Variants in ASXL3 observed in about 807,000 individuals in gnomAD.
ASXL3 encodes ASXL transcriptional regulator 3.
In ASXL3, 34 loss-of-function variants were observed where a neutral mutation model predicts 170.6. That is an observed-to-expected ratio of 0.20 (90% CI 0.15 to 0.27). The LOEUF (loss-of-function observed/expected upper bound fraction) is 0.27. ASXL3 is among the 10% of genes least tolerant of loss of function. The probability of loss-of-function intolerance (pLI) is 1.00; values close to 1 mark genes in which losing one functional copy is unlikely to be tolerated. For synonymous variants in ASXL3, 1,002 were observed against 989.1 expected (o/e 1.01, Z -0.24); for missense variants, 2,592 against 2,695.3 (o/e 0.96, Z 0.85).
rs769336687 is a variant in ASXL3 at position 33,745,183 on chromosome 18, C to T, written c.5335C>T (p.Pro1779Ser). The T allele has an allele frequency of 6.2e-7, 1 of 1,614,024 alleles. No homozygotes were observed. The highest frequency in any genetic ancestry group is 8.5e-7 in the Non-Finnish European group (1 of 1,179,892). ...AGCCAAGCTTGAAATCAACAGGCTTCCATTGCCTCTTCAAACTACCTCAGT... is the reference window on the plus strand; with the variant it reads ...AGCCAAGCTTGAAATCAACAGGCTTTCATTGCCTCTTCAAACTACCTCAGT... ...LGAKLEINRLPLPLQTTSVGK... is the reference protein window; with the variant it reads ...LGAKLEINRLSLPLQTTSVGK... Residue 1779 changes from proline (P) to serine (S), a missense_variant, in exon 12 of 12, where the codon CCA (proline) becomes TCA (serine). Transcript: ENST00000269197.
Position 33,743,232 on chromosome 18 carries a change from G to C in ASXL3, c.3384G>C (p.Arg1128=), listed in dbSNP as rs193209721. The C allele has an allele frequency of 3.7e-6, 6 of 1,613,912 alleles. No homozygotes were observed. The highest frequency in any genetic ancestry group is 5.1e-6 in the Non-Finnish European group (6 of 1,179,840). Residue 1128 remains arginine, a synonymous_variant, in exon 12 of 12, where the codon CGG becomes CGC. Transcript: ENST00000269197. ...AHLFQTSKET[R]LPPPLSSKEG... ...TCTTCCAGACCTCTAAAGAGACCCG[G>C]TTGCCTCCTCCGCTCAGCTCAAAGG... is the stretch of plus-strand genomic sequence containing the variant.
chr18:33,699,970 A>G (rs2066842720), intron 8 of ASXL3, among the ~76,000 whole-genome samples: 1 of 152,066 alleles, frequency 6.6e-6, no homozygotes, highest in Non-Finnish European at 1.5e-5. Flanking sequence ...ATACTTTTTG[A>G]GAACCATTTC....
chr18:33,589,422 C>T (rs991831318), intron 1 of ASXL3, among the ~76,000 whole-genome samples: 4 of 152,044 alleles, frequency 2.6e-5, no homozygotes, highest in African/African-American at 9.7e-5. Context: ...TTTATAATCA[C>T]TTATTTAAAA....
chr18:33,666,370 C>T (rs2066256085), intron 5 of ASXL3, among the ~76,000 whole-genome samples: 1 of 152,068 alleles, frequency 6.6e-6, no homozygotes, highest in African/African-American at 2.4e-5. Context: ...CCAACAGGGC[C>T]ACCACTAGCT....
chr18:33,706,572 A>G (rs1258732057), intron 8 of ASXL3, among the ~76,000 whole-genome samples: 3 of 151,852 alleles, frequency 2.0e-5, no homozygotes, highest in Non-Finnish European at 1.5e-5. Context: ...GTTTGCATTT[A>G]TCTGATGACT....
intron 2 of ASXL3, among the ~76,000 whole-genome samples, chr18:33,633,006 C>T (rs1447636861): frequency 2.0e-5 from 3 of 152,192 alleles, no homozygotes; most frequent in African/African-American, 4.8e-5. Context: ...TTCTACTCCT[C>T]GCTCTGGAAT....
rs2067840775 is a variant in ASXL3, at chr18:33,748,918, C to G, written c.*2323C>G. 6.6e-6 allele frequency: 1 copy of G among 152,152 alleles called. No homozygotes were observed. The highest frequency in any genetic ancestry group is 1.5e-5 in the Non-Finnish European group (1 of 68,030). 9.4% of individuals were successfully genotyped at this position (152,152 alleles called of 1,614,324 possible). On this transcript the variant is annotated 3_prime_UTR_variant, in exon 12 of 12. Coordinates refer to ENST00000269197, the MANE Select transcript of ASXL3 (RefSeq NM_030632.3). ...TGAGATACTGAGCTCATTATCAGTT[C>G]CTTCATTGTTGAATACTGCCTGCAA...
chr18:33,633,198 T>A (rs2065706490), intron 2 of ASXL3, among the ~76,000 whole-genome samples: 1 of 152,164 alleles, frequency 6.6e-6, no homozygotes, highest in African/African-American at 2.4e-5. Context: ...GCTATTAAAA[T>A]TTACAAAGCA....
chr18:33,640,658 C>G (rs2065832261), intron 2 of ASXL3, among the ~76,000 whole-genome samples: 1 of 152,078 alleles, frequency 6.6e-6, no homozygotes, highest in Admixed American at 6.6e-5. Flanking sequence ...TAAAATGTTA[C>G]TTGCACCTGA....
intron 2 of ASXL3, among the ~76,000 whole-genome samples, chr18:33,612,231 C>T (rs1274049408): frequency 3.3e-5 from 5 of 151,830 alleles, no homozygotes; most frequent in Admixed American, 1.3e-4. Flanking sequence ...AAGAAAACCT[C>T]TGTTGGGTTG....
intron 8 of ASXL3, among the ~76,000 whole-genome samples, chr18:33,707,751 C>A (rs532677761): frequency 6.6e-6 from 1 of 151,590 alleles, no homozygotes; most frequent in African/African-American, 2.4e-5. Flanking sequence ...TTTTAAACTT[C>A]GGTTTAAAGA....
At chr18:33,606,623 T>C (rs956162868) in intron 1 of ASXL3, among the ~76,000 whole-genome samples, 4 of 152,034 alleles carry the variant, frequency 2.6e-5, no homozygotes, top group Admixed American at 1.3e-4. Context: ...CCAATAATCA[T>C]AGATTAGAAC....
intron 2 of ASXL3, among the ~76,000 whole-genome samples, chr18:33,613,445 A>G (rs904315597): frequency 6.6e-6 from 1 of 152,080 alleles, no homozygotes; most frequent in African/African-American, 2.4e-5. Flanking sequence ...TAATCCAGGC[A>G]TATGTTGAAG....
In ASXL3 at chr18:33,744,711, G is replaced by T; in HGVS notation, c.4863G>T (p.Leu1621=). The stretch of plus-strand genomic sequence containing the variant: ...GGATGAGGAGCACAGGACAGCCTCT[G>T]GTTACTCACTCGGGTTCAAGTAAAC... ...DDGMRSTGQP[L]VTHSGSSKQK... is the part of the protein sequence containing the mutation. Residue 1621 remains leucine, a synonymous_variant, in exon 12 of 12, where the codon CTG becomes CTT. Transcript: ENST00000269197. The T allele has an allele frequency of 6.2e-7, 1 of 1,612,664 alleles. No homozygotes were observed. The highest frequency in any genetic ancestry group is 8.5e-7 in the Non-Finnish European group (1 of 1,179,216).
intron 1 of ASXL3, among the ~76,000 whole-genome samples, chr18:33,579,780 TA>T (rs1444347094): frequency 6.6e-6 from 1 of 152,022 alleles, no homozygotes; most frequent in Non-Finnish European, 1.5e-5. Flanking sequence ...CTATCTGTTA[TA>T]AATTGGCCAA....
intron 2 of ASXL3, among the ~76,000 whole-genome samples, chr18:33,628,765 C>T (rs1376200071): frequency 1.3e-5 from 2 of 152,048 alleles, no homozygotes; most frequent in African/African-American, 2.4e-5. Context: ...CTATGTGGAA[C>T]GTTGGCTTAC....
intron 1 of ASXL3, among the ~76,000 whole-genome samples, chr18:33,594,383 G>A (rs2065106321): frequency 6.6e-6 from 1 of 152,114 alleles, no homozygotes; most frequent in Non-Finnish European, 1.5e-5. Flanking sequence ...AGTATAATGA[G>A]CTCCCAACCT....
At position 33,745,010 on chromosome 18, in the gene ASXL3, C is replaced by T; in HGVS notation, c.5162C>T (p.Ser1721Phe). The T allele has an allele frequency of 6.2e-7, 1 of 1,614,016 alleles. No homozygotes were observed. The highest frequency in any genetic ancestry group is 8.5e-7 in the Non-Finnish European group (1 of 1,179,910). ...TCAAGTCCCATGGAAGAGGCTATTTCCTTGGCTACCGATGCCCTGAAGAGA... is the reference window on the plus strand; with the variant it reads ...TCAAGTCCCATGGAAGAGGCTATTTTCTTGGCTACCGATGCCCTGAAGAGA... ...STSSPMEEAI[S>F]LATDALKRVP... The change falls in exon 12 of 12, where the codon TCC becomes TTC. Residue 1721 changes from serine (S) to phenylalanine (F), a missense_variant. Around this residue, in one of 4 missense-constraint regions of ASXL3, gnomAD observed 2,246 missense variants for 2,219.6 expected, o/e 1.01. Coordinates refer to ENST00000269197, the MANE Select transcript of ASXL3 (RefSeq NM_030632.3).
At chr18:33,687,258 G>A (rs2066611614) in intron 8 of ASXL3, among the ~76,000 whole-genome samples, 1 of 152,088 alleles carries the variant, frequency 6.6e-6, no homozygotes, top group South Asian at 2.1e-4. Flanking sequence ...GGGTGACTTG[G>A]TGCAACAAAC....
Sources: gnomAD v4.1 joint callset for allele counts (sites outside exome capture counted in the v4.1 genomes callset) on GRCh38, gnomAD v4.1.1 for gene constraint, gnomAD v4.1.1 regional missense constraint, MANE v1.5 for transcripts, NCBI Gene and HGNC (gene_info 2026-07-23, HGNC 2026-07-21) for gene names.